GOLIM4: variants seen among roughly 807,000 people sequenced by gnomAD.
The protein encoded by GOLIM4 is 130 kDa golgi-localized phosphoprotein.
A neutral mutation model predicts 107.4 loss-of-function variants in GOLIM4; 71 were observed. The observed-to-expected ratio is 0.66, with a 90% CI of 0.55 to 0.81. The LOEUF (loss-of-function observed/expected upper bound fraction) is 0.81, where lower values mean the gene tolerates loss of function less well. GOLIM4 is among the 30% of genes least tolerant of loss of function. GOLIM4 has a pLI of 0.00. For missense variants in GOLIM4, 830 were observed against 826.1 expected, an observed-to-expected ratio of 1.00 and a Z score of -0.06; for synonymous variants, 327 against 294.8, an observed-to-expected ratio of 1.11 and a Z score of -1.12.
intron 7 of GOLIM4, among the ~76,000 whole-genome samples, chr3:168,039,235 A>G (rs1718834822): frequency 1.3e-5 from 2 of 151,658 alleles, no homozygotes; most frequent in Admixed American, 6.6e-5. Flanking sequence ...ATAAATAGAA[A>G]ATTATAACTA....
At chr3:168,043,626 G>A in intron 4 of GOLIM4, 97 bp from the exon 5 acceptor site, 1 of 950,310 alleles carries the variant, frequency 1.1e-6, no homozygotes, top group Non-Finnish European at 1.5e-6. Context: ...ATGAAAGCAA[G>A]CAAGCACAAA....
chr3:168,072,566 G>C (rs1720886632), intron 1 of GOLIM4, among the ~76,000 whole-genome samples: 1 of 151,030 alleles, frequency 6.6e-6, no homozygotes, highest in African/African-American at 2.4e-5. Flanking sequence ...AAGCATAGGG[G>C]AATATCAGAC....
At chr3:168,033,479 C>T (rs964057426) in intron 8 of GOLIM4, among the ~76,000 whole-genome samples, 8 of 151,100 alleles carry the variant, frequency 5.3e-5, no homozygotes, top group Non-Finnish European at 8.9e-5. Context: ...TGGTGGCGGG[C>T]GCCTGTAGTC....
At chr3:168,052,872 C>T (rs1719733690) in intron 1 of GOLIM4, among the ~76,000 whole-genome samples, 1 of 152,042 alleles carries the variant, frequency 6.6e-6, no homozygotes, top group African/African-American at 2.4e-5. Flanking sequence ...TCTCATAGCA[C>T]CAAACAAGTT....
intron 1 of GOLIM4, among the ~76,000 whole-genome samples, chr3:168,065,075 C>CAGG (rs1238803197): frequency 6.6e-6 from 1 of 152,062 alleles, no homozygotes; most frequent in Admixed American, 6.5e-5. Context: ...GAACCCTGAC[C>CAGG]TCCTGGCTGC....
intron 14 of GOLIM4, among the ~76,000 whole-genome samples, chr3:168,018,010 C>T (rs775177580): frequency 3.3e-5 from 5 of 152,164 alleles, no homozygotes; most frequent in Non-Finnish European, 5.9e-5. Flanking sequence ...CAGGGTAGGG[C>T]ATTTTCTAAC....
In GOLIM4 at chr3:168,027,841, G is replaced by A. The variant is rs1284777729; in HGVS notation, c.1514-4C>T. 1 of 1,571,576 alleles carries A rather than the reference G, an allele frequency of 6.4e-7. No individual in the cohort carries two copies. Among genetic ancestry groups the A allele is most frequent in the Non-Finnish European group, 8.8e-7 (1 of 1,141,998 alleles). Reference sequence around the variant, plus strand: ...TGCTGGTTGTCTCTTTCATAGGCTAGCAAATCAAAGGAACTAAAATCAGCC... The same window carrying A: ...TGCTGGTTGTCTCTTTCATAGGCTAACAAATCAAAGGAACTAAAATCAGCC... On this transcript the variant is annotated splice_polypyrimidine_tract_variant and splice_region_variant and intron_variant, in intron 11 of 15. Coordinates refer to ENST00000470487, the MANE Select transcript of GOLIM4 (RefSeq NM_014498.5).
At chr3:168,060,889 GAGAT>G (rs955607412) in intron 1 of GOLIM4, among the ~76,000 whole-genome samples, 1 of 152,156 alleles carries the variant, frequency 6.6e-6, no homozygotes, top group African/African-American at 2.4e-5. Flanking sequence ...AAGAATGAAT[GAGAT>G]AGGGCTAAAA....
At chr3:168,038,601 A>T (rs1409076506) in intron 7 of GOLIM4, among the ~76,000 whole-genome samples, 2 of 152,246 alleles carry the variant, frequency 1.3e-5, no homozygotes, top group Non-Finnish European at 2.9e-5. Flanking sequence ...ATAAAAGGGT[A>T]CAATATTATA....
chr3:168,050,266 A>AG (rs1719540751), intron 1 of GOLIM4, among the ~76,000 whole-genome samples: 1 of 152,066 alleles, frequency 6.6e-6, no homozygotes, highest in Non-Finnish European at 1.5e-5. Context: ...ACTGCTAAAA[A>AG]GTAATTTTTT....
chr3:168,010,244 A>G lies in GOLIM4; in HGVS notation c.*25T>C. ...CAGCTTGAAAAGAATCCGTTGGCTG[A>G]GCGTTGTCTAGAAATTGGGTGCCGC... On this transcript the variant is annotated 3_prime_UTR_variant, in exon 16 of 16. Transcript: ENST00000470487. 6.2e-7 allele frequency: 1 copy of G among 1,602,670 alleles called. No homozygotes were observed. Among genetic ancestry groups the G allele is most frequent in the Non-Finnish European group, 8.5e-7 (1 of 1,174,756 alleles).
In GOLIM4 at chr3:168,095,190, G is replaced by A. The variant is rs1722115283; in HGVS notation, c.96C>T (p.Leu32=). ...GCAGCTGCGTCTGCAGCTCGTAGTA[G>A]AGCATCGCGCCGTAGAGAAAGCCGA... ...VVFGFLYGAM[L]YYELQTQLRK... The change falls in exon 1 of 16, where the codon CTC becomes CTT. Residue 32 remains leucine, a synonymous_variant. Transcript: ENST00000470487. 1 of 1,613,786 alleles carries A rather than the reference G, an allele frequency of 6.2e-7. No homozygotes were observed. The highest frequency in any genetic ancestry group is 8.5e-7 in the Non-Finnish European group (1 of 1,179,934).
At chr3:168,057,260 T>G (rs1004617029) in intron 1 of GOLIM4, among the ~76,000 whole-genome samples, 2 of 152,228 alleles carry the variant, frequency 1.3e-5, no homozygotes, top group Non-Finnish European at 2.9e-5. Flanking sequence ...ATAAACCTCT[T>G]TCTTTTGTAA....
At chr3:168,022,826 G>C (rs1717785061) in intron 14 of GOLIM4, among the ~76,000 whole-genome samples, 1 of 152,154 alleles carries the variant, frequency 6.6e-6, no homozygotes, top group Non-Finnish European at 1.5e-5. Context: ...CAGGGAACCA[G>C]GTAAACCGAA....
intron 14 of GOLIM4, among the ~76,000 whole-genome samples, chr3:168,022,526 G>A (rs900251782): frequency 2.0e-5 from 3 of 151,992 alleles, no homozygotes; most frequent in African/African-American, 7.3e-5. Context: ...TCTATCACTA[G>A]TGCTTAAATG....
intron 8 of GOLIM4, 106 bp from the exon 9 acceptor site, chr3:168,032,958 G>T: frequency 2.4e-6 from 2 of 838,042 alleles, no homozygotes; most frequent in South Asian, 3.4e-5. Context: ...ACAGAAGAAG[G>T]TGTCTAGAAA....
In GOLIM4 at chr3:168,016,702, C is replaced by A. The variant is rs550981667; in HGVS notation, c.1861-5879G>T. ...TGTGGCACATATACACCATGGAATACTATGCAGCCATAAAAAAGTATGAGT... is the reference window on the plus strand; with the variant it reads ...TGTGGCACATATACACCATGGAATAATATGCAGCCATAAAAAAGTATGAGT... On this transcript the variant is annotated intron_variant, in intron 14 of 15. Transcript: ENST00000470487. Among the ~76,000 whole-genome samples, 18 of 134,440 alleles carry A rather than the reference C, an allele frequency of 1.3e-4. 1 individual carries two copies. The South Asian group carries it at 2.3e-3, about 17-fold the overall frequency. 88.2% of individuals were successfully genotyped at this position (134,440 alleles called of 152,430 possible).
chr3:168,049,426 G>A (rs1719494563), intron 1 of GOLIM4, among the ~76,000 whole-genome samples: 1 of 150,990 alleles, frequency 6.6e-6, no homozygotes, highest in Admixed American at 6.6e-5. Flanking sequence ...AGAAAACTCA[G>A]CTCCACAAAA....
chr3:168,030,864 A>G (rs919462712), intron 9 of GOLIM4, among the ~76,000 whole-genome samples: 23 of 152,224 alleles, frequency 1.5e-4, no homozygotes, highest in African/African-American at 5.5e-4. Flanking sequence ...TACTGGGCAC[A>G]TATCCAAAAG....
Sources: gnomAD v4.1 joint callset for allele counts (sites outside exome capture counted in the v4.1 genomes callset) on GRCh38, gnomAD v4.1.1 for gene constraint, MANE v1.5 for transcripts, NCBI Gene and HGNC (gene_info 2026-07-23, HGNC 2026-07-21) for gene names.